CDH10: variants seen among roughly 807,000 people sequenced by gnomAD.
CDH10 encodes the protein cadherin 10, also known as cadherin-10.
Under a neutral mutation model 73.1 loss-of-function variants are expected in CDH10, and 30 were observed. That is an observed-to-expected ratio of 0.41 (90% CI 0.31 to 0.56). The LOEUF (loss-of-function observed/expected upper bound fraction) is 0.56, where lower values mean the gene tolerates loss of function less well. CDH10 is among the 20% of genes least tolerant of loss of function. CDH10 has a pLI of 0.27. For missense variants in CDH10, 815 were observed against 973.7 expected (o/e 0.84, Z 2.17); for synonymous variants, 345 against 348.2 (o/e 0.99, Z 0.10).
rs1420256784 is a variant in CDH10 at position 24,511,535 on chromosome 5, AAGAGAGAGACAGAG to A, written c.815-35_815-22del. On this transcript the variant is annotated intron_variant, in intron 5 of 11. Coordinates refer to ENST00000264463, the MANE Select transcript of CDH10 (RefSeq NM_006727.5). ...AGTGTCTGTAAAGTATAAAGAAAAG[AAGAGAGAGACAGAG>A]AGAGAGAGAGAGAGAGAGAGAGAGA... The A allele has an allele frequency of 1.7e-5, 14 of 845,544 alleles. No homozygotes were observed. The East Asian group carries it at 2.1e-4, about 12-fold the overall frequency. 52.4% of individuals were successfully genotyped at this position (845,544 alleles called of 1,614,324 possible). A position where few individuals can be genotyped will look rare whatever the true frequency, so the allele number is the denominator to read the frequency against.
At chr5:24,527,084 AATT>A (rs10536383) in intron 5 of CDH10, among the ~76,000 whole-genome samples, 69,289 of 150,248 alleles carry the variant, frequency 0.46, 16,193 homozygotes, top group East Asian at 0.58. Flanking sequence ...TAAAATATTT[AATT>A]ATTTAGACAA....
At position 24,494,951 on chromosome 5, in the gene CDH10, A is replaced by T. The variant is rs191947086; in HGVS notation, c.1516-2026T>A. Among the ~76,000 whole-genome samples the T allele has an allele frequency of 3.9e-5, 6 of 152,240 alleles. No homozygotes were observed. The East Asian group carries it at 1.2e-3, about 29-fold the overall frequency. On this transcript the variant is annotated intron_variant, in intron 9 of 11. Coordinates refer to ENST00000264463, the MANE Select transcript of CDH10 (RefSeq NM_006727.5). ...AGGCACTTACATCCTTTACAAGATA[A>T]TAGGTTTTTTTTTCCTTTAAGACAT...
At chr5:24,628,510 G>C (rs1235626083) in intron 1 of CDH10, among the ~76,000 whole-genome samples, 3 of 152,036 alleles carry the variant, frequency 2.0e-5, no homozygotes, top group African/African-American at 7.2e-5. Flanking sequence ...TGAAAGAAAA[G>C]CTTCTGGTTG....
intron 1 of CDH10, among the ~76,000 whole-genome samples, chr5:24,632,046 A>G (rs1346592665): frequency 4.6e-5 from 7 of 152,106 alleles, no homozygotes; most frequent in African/African-American, 1.7e-4. Context: ...ATGGTTGACT[A>G]TGAAAATCTC....
At chr5:24,501,639 A>C (rs1288826346) in intron 8 of CDH10, among the ~76,000 whole-genome samples, 2 of 152,190 alleles carry the variant, frequency 1.3e-5, no homozygotes, top group Non-Finnish European at 2.9e-5. Flanking sequence ...CAAAGAGAGA[A>C]ATTTTAAATC....
intron 1 of CDH10, among the ~76,000 whole-genome samples, chr5:24,625,512 C>T (rs978251654): frequency 1.4e-5 from 2 of 147,654 alleles, no homozygotes; most frequent in African/African-American, 2.5e-5. Flanking sequence ...AATTTAGATG[C>T]GAGATCTGAC....
intron 1 of CDH10, among the ~76,000 whole-genome samples, chr5:24,630,128 A>G (rs1747654723): frequency 6.6e-6 from 1 of 152,150 alleles, no homozygotes; most frequent in Non-Finnish European, 1.5e-5. Context: ...GTAAAAATAT[A>G]CAAAAGGAAT....
intron 1 of CDH10, among the ~76,000 whole-genome samples, chr5:24,627,377 A>T (rs966872139): frequency 2.0e-5 from 3 of 152,130 alleles, no homozygotes; most frequent in Non-Finnish European, 4.4e-5. Context: ...ATTTTCTCTC[A>T]TTGAAAAGGA....
At chr5:24,547,468 C>T (rs1744385561) in intron 2 of CDH10, among the ~76,000 whole-genome samples, 1 of 151,838 alleles carries the variant, frequency 6.6e-6, no homozygotes, top group Admixed American at 6.6e-5. Flanking sequence ...CTGTAACTGG[C>T]CAAGGAAAGG....
chr5:24,629,774 G>A (rs1747641133), intron 1 of CDH10, among the ~76,000 whole-genome samples: 1 of 152,090 alleles, frequency 6.6e-6, no homozygotes, highest in Admixed American at 6.6e-5. Context: ...TGCCATGATT[G>A]TAAGATTCCT....
At chr5:24,608,994 G>C (rs1746855401) in intron 1 of CDH10, among the ~76,000 whole-genome samples, 1 of 152,192 alleles carries the variant, frequency 6.6e-6, no homozygotes, top group South Asian at 2.1e-4. Context: ...GGTGTGGATA[G>C]AATTAGAATA....
intron 2 of CDH10, among the ~76,000 whole-genome samples, chr5:24,549,232 A>C (rs1744458366): frequency 6.6e-6 from 1 of 152,182 alleles, no homozygotes; most frequent in Non-Finnish European, 1.5e-5. Context: ...AAAAGCTGCA[A>C]GACATGAAAT....
chr5:24,565,255 A>G (rs960961673), intron 2 of CDH10, among the ~76,000 whole-genome samples: 1 of 152,332 alleles, frequency 6.6e-6, no homozygotes, highest in East Asian at 1.9e-4. Flanking sequence ...ACAAAATCCT[A>G]AGAAATCTAT....
At chr5:24,639,303 C>T (rs1747966388) in intron 1 of CDH10, among the ~76,000 whole-genome samples, 1 of 151,422 alleles carries the variant, frequency 6.6e-6, no homozygotes, top group Admixed American at 6.6e-5. Flanking sequence ...GAGAGTGGAG[C>T]TATATTTTTA....
At chr5:24,521,852 T>C (rs1394469057) in intron 5 of CDH10, among the ~76,000 whole-genome samples, 2 of 152,064 alleles carry the variant, frequency 1.3e-5, no homozygotes, top group Admixed American at 6.6e-5. Context: ...AACTGCTAAG[T>C]AGGCCGTGCC....
intron 1 of CDH10, among the ~76,000 whole-genome samples, chr5:24,632,066 T>A (rs377764750): frequency 6.6e-6 from 1 of 152,180 alleles, no homozygotes; most frequent in East Asian, 1.9e-4. Flanking sequence ...CCCTTATCAC[T>A]TGAGGATAAT....
At chr5:24,578,454 C>G (rs1409675368) in intron 2 of CDH10, 1 of 354,350 alleles carries the variant, frequency 2.8e-6, no homozygotes, top group Non-Finnish European at 5.8e-6. Flanking sequence ...GAGTAATAGT[C>G]TGGTTTAAGA....
chr5:24,491,443 A>T, intron 11 of CDH10, 133 bp downstream of exon 11: 1 of 667,220 alleles, frequency 1.5e-6, no homozygotes. Flanking sequence ...TAATATAAAG[A>T]ATATCACAAA....
chr5:24,628,555 C>G (rs80198026), intron 1 of CDH10, among the ~76,000 whole-genome samples: 2,902 of 152,218 alleles, frequency 0.019, 112 homozygotes, highest in African/African-American at 0.066. Context: ...TTAACACCAA[C>G]AGCCATGCAT....
Sources: allele counts gnomAD v4.1 joint callset (sites outside exome capture counted in the v4.1 genomes callset), GRCh38; gene constraint gnomAD v4.1.1; transcripts MANE v1.5; gene names NCBI Gene and HGNC (gene_info 2026-07-23, HGNC 2026-07-21).